The following VWA8 variants were observed in gnomAD, a reference collection of about 807,000 sequenced individuals.
VWA8 encodes the protein von Willebrand factor A domain containing 8.
A neutral mutation model predicts 241.5 loss-of-function variants in VWA8; 221 were observed. The ratio of observed to expected loss-of-function variants is 0.91; its 90% CI spans 0.82 to 1.02. The LOEUF is 1.02. Among genes scored for constraint, VWA8 ranks in the 50% least tolerant of loss-of-function variants. The pLI is 0.00. For synonymous variants in VWA8, 852 were observed against 827.1 expected (o/e 1.03, Z -0.52); for missense variants, 2,322 against 2,328.7 (o/e 1.00, Z 0.06).
intron 26 of VWA8, chr13:41,719,383 A>G: frequency 7.2e-7 from 1 of 1,397,182 alleles, no homozygotes; most frequent in Admixed American, 3.3e-5. Context: ...TACTCATGGG[A>G]CATACATAAT....
At chr13:41,666,311 T>G (rs61964882) in intron 37 of VWA8, among the ~76,000 whole-genome samples, 1 of 152,268 alleles carries the variant, frequency 6.6e-6, no homozygotes, top group South Asian at 2.1e-4. Flanking sequence ...AACTGCAGGC[T>G]TCCACATTTC....
intron 26 of VWA8, among the ~76,000 whole-genome samples, chr13:41,716,048 T>C (rs1009353428): frequency 1.3e-5 from 2 of 152,040 alleles, no homozygotes; most frequent in African/African-American, 4.8e-5. Context: ...TCTCTTGGCA[T>C]GTCCTGTCCC....
At chr13:41,605,377 A>C (rs2044547241) in intron 39 of VWA8, 101 bp from the exon 40 acceptor site, 1 of 1,112,428 alleles carries the variant, frequency 9.0e-7, no homozygotes, top group African/African-American at 1.5e-5. Context: ...ACTCCTTGGA[A>C]ACTCAGATTC....
intron 18 of VWA8, among the ~76,000 whole-genome samples, chr13:41,784,701 T>TAC (rs199525785): frequency 0.21 from 14,763 of 69,728 alleles, 1,517 homozygotes; most frequent in East Asian, 0.28. Context: ...CATATACATA[T>TAC]ATATATATAT....
intron 5 of VWA8, among the ~76,000 whole-genome samples, chr13:41,890,657 A>G (rs1006886351): frequency 2.0e-5 from 3 of 152,226 alleles, no homozygotes; most frequent in Non-Finnish European, 4.4e-5. Flanking sequence ...GGAACTTGAG[A>G]TAATACCAGT....
chr13:41,691,808 C>A, intron 31 of VWA8, 66 bp downstream of exon 31: 1 of 1,265,992 alleles, frequency 7.9e-7, no homozygotes, highest in South Asian at 1.3e-5. Flanking sequence ...CAAGTATAAT[C>A]AAAATAGGAA....
intron 4 of VWA8, among the ~76,000 whole-genome samples, chr13:41,901,253 A>G (rs1875411194): frequency 6.6e-6 from 1 of 152,064 alleles, no homozygotes. Context: ...TTGGAATTAC[A>G]GGCATGAGCC....
At chr13:41,594,028 AT>A (rs1208538845) in intron 40 of VWA8, among the ~76,000 whole-genome samples, 2 of 152,092 alleles carry the variant, frequency 1.3e-5, no homozygotes. Context: ...TCCCTACCCA[AT>A]CCCATTAGCT....
At chr13:41,833,681 C>G (rs1424387701) in intron 12 of VWA8, 150 bp from the exon 13 acceptor site, 2 of 1,012,776 alleles carry the variant, frequency 2.0e-6, no homozygotes, top group African/African-American at 3.3e-5. Flanking sequence ...ATTCCTAAAA[C>G]GAAAGCTCTT....
intron 4 of VWA8, among the ~76,000 whole-genome samples, chr13:41,898,723 C>CGCGGGAAGGCAGCTAAGGCCCG (rs1875266975): frequency 6.6e-6 from 1 of 152,184 alleles, no homozygotes; most frequent in Non-Finnish European, 1.5e-5. Context: ...AGGCCTGCCC[C>CGCGGGAAGGCAGCTAAGGCCCG]GCGGGAAGGC....
At position 41,570,671 on chromosome 13, in the gene VWA8, C is replaced by G. The variant is rs1316363862; in HGVS notation, c.5406G>C (p.Gly1802=). The part of the protein sequence containing the change: ...MHAHSQFCMS[G]DHTLEGTEHA... ...GTTCTGTCCCTTCTAACGTGTGGTC[C>G]CCACTCATGCAGAACTGAGAGTGGG... Residue 1802 remains glycine (G), a synonymous_variant, in exon 44 of 45, where the codon GGG becomes GGC. Transcript: ENST00000379310. 7.4e-6 allele frequency: 12 copies of G among 1,614,020 alleles called. 1 individual carries two copies. In the South Asian group the frequency reaches 1.3e-4, roughly 18 times the overall value.
chr13:41,720,244 A>G (rs2045378163), intron 25 of VWA8, among the ~76,000 whole-genome samples: 1 of 152,152 alleles, frequency 6.6e-6, no homozygotes, highest in African/African-American at 2.4e-5. Context: ...GGGCAAGAAA[A>G]CAAGTATGAC....
At chr13:41,604,004 C>T (rs1391694724) in intron 40 of VWA8, among the ~76,000 whole-genome samples, 4 of 152,148 alleles carry the variant, frequency 2.6e-5, no homozygotes, top group Admixed American at 2.0e-4. Flanking sequence ...ATCTCTAATG[C>T]CTGGTGTGCA....
chr13:41,651,409 G>A (rs1056746479), intron 37 of VWA8, among the ~76,000 whole-genome samples: 3 of 152,166 alleles, frequency 2.0e-5, no homozygotes, highest in African/African-American at 4.8e-5. Flanking sequence ...GAATATAATA[G>A]TGTAGAAAGC....
intron 2 of VWA8, among the ~76,000 whole-genome samples, chr13:41,923,206 G>A (rs544657608): frequency 1.3e-5 from 2 of 152,250 alleles, no homozygotes; most frequent in East Asian, 1.9e-4. Context: ...AACACCGCAT[G>A]TTCTCACTCA....
chr13:41,739,769 AC>A (rs1262789249), intron 21 of VWA8, among the ~76,000 whole-genome samples: 1 of 151,984 alleles, frequency 6.6e-6, no homozygotes, highest in Non-Finnish European at 1.5e-5. Flanking sequence ...ATTTTTAGCA[AC>A]AGGAGTTAAA....
intron 13 of VWA8, among the ~76,000 whole-genome samples, chr13:41,831,549 A>G (rs137940333): frequency 1.1e-4 from 16 of 151,978 alleles, no homozygotes; most frequent in African/African-American, 3.9e-4. Flanking sequence ...TAAAAATGCC[A>G]ATGTTCAGAC....
In VWA8 at chr13:41,568,097, T is replaced by C. The variant is rs2044272958; in HGVS notation, c.*100A>G. On this transcript the variant is annotated 3_prime_UTR_variant, in exon 45 of 45. Coordinates refer to ENST00000379310, the MANE Select transcript of VWA8 (RefSeq NM_015058.2). ...AGGAATGCCGGAATCATCCAGTCAC[T>C]GCATGGGTTCACTTCATCCATATCT... 10 of 987,698 alleles carry C rather than the reference T, an allele frequency of 1.0e-5. No homozygotes were observed. Among genetic ancestry groups the C allele is most frequent in the Middle Eastern group, 2.4e-4 (1 of 4,154 alleles). 61.2% of individuals were successfully genotyped at this position (987,698 alleles called of 1,614,324 possible). A position where few individuals can be genotyped will look rare whatever the true frequency, so the allele number is the denominator to read the frequency against.
intron 27 of VWA8, among the ~76,000 whole-genome samples, chr13:41,702,203 T>C (rs193265445): frequency 6.6e-6 from 1 of 152,316 alleles, no homozygotes; most frequent in East Asian, 1.9e-4. Flanking sequence ...CAAAAACCAG[T>C]GATTTGCATG....
Sources: gnomAD v4.1 joint callset for allele counts (sites outside exome capture counted in the v4.1 genomes callset) on GRCh38, gnomAD v4.1.1 for gene constraint, MANE v1.5 for transcripts, NCBI Gene and HGNC (gene_info 2026-07-23, HGNC 2026-07-21) for gene names.